Variants in RGS6 observed in about 807,000 individuals in gnomAD.
RGS6 encodes regulator of G-protein signaling 6.
RGS6 carries 30 observed loss-of-function variants against 78.5 expected under a neutral mutation model. The ratio of observed to expected loss-of-function variants is 0.38; its 90% CI spans 0.29 to 0.52. The LOEUF is 0.52. Among genes scored for constraint, RGS6 ranks in the 20% least tolerant of loss-of-function variants. The pLI, the probability that RGS6 is intolerant of heterozygous loss-of-function variation, is 0.85. For synonymous variants in RGS6, 206 were observed against 206.0 expected, an observed-to-expected ratio of 1.00 and a Z score of 0.00; for missense variants, 495 against 609.7, an observed-to-expected ratio of 0.81 and a Z score of 1.98.
intron 2 of RGS6, among the ~76,000 whole-genome samples, chr14:72,052,060 G>C (rs113658390): frequency 6.6e-6 from 1 of 152,126 alleles, no homozygotes; most frequent in African/African-American, 2.4e-5. Context: ...TAGAAAGTAG[G>C]CATGCAGGGG....
At chr14:72,006,260 A>C (rs1427727149) in intron 2 of RGS6, among the ~76,000 whole-genome samples, 1 of 152,138 alleles carries the variant, frequency 6.6e-6, no homozygotes, top group Non-Finnish European at 1.5e-5. Flanking sequence ...ATCTTATTTT[A>C]AGTAGTTATT....
chr14:72,520,479 G>C (rs1438191201), intron 15 of RGS6, among the ~76,000 whole-genome samples: 1 of 152,192 alleles, frequency 6.6e-6, no homozygotes, highest in African/African-American at 2.4e-5. Flanking sequence ...CCTTTTTGCA[G>C]ATATTGATGT....
intron 3 of RGS6, among the ~76,000 whole-genome samples, chr14:72,392,155 T>C (rs1484462649): frequency 6.6e-6 from 1 of 151,660 alleles, no homozygotes; most frequent in African/African-American, 2.4e-5. Flanking sequence ...AGAGGAGACT[T>C]TGACAAATAT....
intron 3 of RGS6, among the ~76,000 whole-genome samples, chr14:72,434,921 CAT>C (rs1597460392): frequency 1.3e-5 from 2 of 152,174 alleles, no homozygotes; most frequent in East Asian, 3.8e-4. Flanking sequence ...AAAAAGAGAA[CAT>C]AGATTCTTAG....
intron 2 of RGS6, among the ~76,000 whole-genome samples, chr14:72,171,686 C>T (rs1598801061): frequency 1.3e-5 from 2 of 152,204 alleles, no homozygotes; most frequent in East Asian, 3.8e-4. Flanking sequence ...AAGAGCACAT[C>T]TTGACTTCAG....
Position 72,266,914 on chromosome 14 carries a change from G to A in RGS6, c.85-85181G>A, listed in dbSNP as rs1404248036. Among the ~76,000 whole-genome samples, 4 of 152,298 alleles carry A rather than the reference G, an allele frequency of 2.6e-5. No homozygotes were observed. The South Asian group carries it at 8.3e-4, about 32-fold the overall frequency. ...AGGGTCTAGCCAATGGTGGCCTGCA[G>A]GCTGACCCCAGTCCACCACCTGTGA... is the stretch of plus-strand genomic sequence containing the variant. On this transcript the variant is annotated intron_variant, in intron 2 of 17. Coordinates refer to ENST00000553525, the MANE Select transcript of RGS6 (RefSeq NM_001204424.2).
chr14:71,985,684 A>C lies in RGS6; in HGVS notation c.84+20809A>C, dbSNP rs551224048. Among the ~76,000 whole-genome samples the C allele has an allele frequency of 6.6e-5, 10 of 152,238 alleles. No homozygotes were observed. In the South Asian group the frequency reaches 2.1e-3, roughly 32 times the overall value. ...GAGGGGATTTCTAACAATTAGGGCC[A>C]GTGTTTTCTTCACCTCTAAACCGCA... On this transcript the variant is annotated intron_variant, in intron 2 of 17. Transcript: ENST00000553525.
Position 72,504,921 on chromosome 14 carries a change from ATTTTTTTT to A in RGS6, c.966-5212_966-5205del, listed in dbSNP as rs34953560. Among the ~76,000 whole-genome samples the A allele has an allele frequency of 6.6e-5, 5 of 76,076 alleles. No individual in the cohort carries two copies. In the South Asian group the frequency reaches 2.6e-3, roughly 39 times the overall value. The allele number at this position is 76,076 out of a possible 152,430, so 49.9% of individuals were successfully genotyped here. On this transcript the variant is annotated intron_variant, in intron 13 of 17. Coordinates refer to ENST00000553525, the MANE Select transcript of RGS6 (RefSeq NM_001204424.2). ...AGGTGCCCACCACCACGCCCAGCTA[ATTTTTTTT>A]TTTTTTTTTTTTTTTTTTTTGTATT...
intron 14 of RGS6, among the ~76,000 whole-genome samples, chr14:72,517,512 A>C (rs1049618492): frequency 6.6e-6 from 1 of 152,244 alleles, no homozygotes; most frequent in Admixed American, 6.5e-5. Flanking sequence ...GATTAAACAG[A>C]GGCAAATACG....
At chr14:72,557,588 C>T (rs1284833086) in intron 17 of RGS6, among the ~76,000 whole-genome samples, 1 of 152,158 alleles carries the variant, frequency 6.6e-6, no homozygotes, top group Non-Finnish European at 1.5e-5. Flanking sequence ...TCTAATTCCA[C>T]ACGTATACAT....
At chr14:71,898,299 C>G in the RGS6 span, among the ~76,000 whole-genome samples, 4 of 152,292 alleles carry the variant, frequency 2.6e-5, no homozygotes, top group East Asian at 1.9e-4. Context: ...CTCCAACCCT[C>G]CCCTCACCCC....
downstream of RGS6, among the ~76,000 whole-genome samples, chr14:72,567,203 C>T (rs117847588): frequency 3.4e-3 from 512 of 152,292 alleles, 11 homozygotes; most frequent in Admixed American, 0.026. Flanking sequence ...TAGAAGGGAA[C>T]CAACTCATCT....
chr14:71,908,852 A>C, the RGS6 span, among the ~76,000 whole-genome samples: 1 of 152,090 alleles, frequency 6.6e-6, no homozygotes, highest in Non-Finnish European at 1.5e-5. Context: ...GTAGCGAGGC[A>C]CTCACAAGGC....
intron 2 of RGS6, among the ~76,000 whole-genome samples, chr14:72,023,210 G>GACCATTGCCCT (rs1355841398): frequency 6.6e-6 from 1 of 152,206 alleles, no homozygotes; most frequent in African/African-American, 2.4e-5. Context: ...ATGGTCTTGG[G>GACCATTGCCCT]AGATGTACAT....
At chr14:72,382,159 A>G (rs2086314053) in intron 3 of RGS6, among the ~76,000 whole-genome samples, 1 of 152,152 alleles carries the variant, frequency 6.6e-6, no homozygotes, top group South Asian at 2.1e-4. Context: ...ATTAAAGTAA[A>G]AAGAAGCCAC....
At chr14:72,205,000 C>T (rs1486051597) in intron 2 of RGS6, among the ~76,000 whole-genome samples, 1 of 152,208 alleles carries the variant, frequency 6.6e-6, no homozygotes, top group African/African-American at 2.4e-5. Context: ...CATGGTGCTT[C>T]AGCAGAGATC....
At chr14:71,951,235 A>C (rs1036284410) in intron 1 of RGS6, among the ~76,000 whole-genome samples, 2 of 152,204 alleles carry the variant, frequency 1.3e-5, no homozygotes, top group Non-Finnish European at 1.5e-5. Context: ...CATAAAAAGG[A>C]ACGAGATCAT....
intron 17 of RGS6, among the ~76,000 whole-genome samples, chr14:72,551,277 G>A (rs2097502913): frequency 6.6e-6 from 1 of 152,018 alleles, no homozygotes; most frequent in South Asian, 2.1e-4. Context: ...ATATTCCCTG[G>A]GGACTACACA....
rs1481024702 is a variant in RGS6 at position 72,369,618 on chromosome 14, A to G, written c.184+17424A>G. Among the ~76,000 whole-genome samples, 3 of 152,348 alleles carry G rather than the reference A, an allele frequency of 2.0e-5. No individual in the cohort carries two copies. The East Asian group carries it at 5.8e-4, about 29-fold the overall frequency. On this transcript the variant is annotated intron_variant, in intron 3 of 17. Coordinates refer to ENST00000553525, the MANE Select transcript of RGS6 (RefSeq NM_001204424.2). ...ACAAGCAAAAATTTAGTTTTCTTCC[A>G]AAGTTTTATTTGAAAAAATATAGAT...
Sources: allele counts gnomAD v4.1 joint callset (sites outside exome capture counted in the v4.1 genomes callset), GRCh38; gene constraint gnomAD v4.1.1; transcripts MANE v1.5; gene names NCBI Gene and HGNC (gene_info 2026-07-23, HGNC 2026-07-21).